ANO1: variants seen among roughly 807,000 people sequenced by gnomAD.
ANO1 encodes the protein anoctamin 1, also known as anoctamin-1.
ANO1 carries 59 observed loss-of-function variants against 124.0 expected under a neutral mutation model. The ratio of observed to expected loss-of-function variants is 0.48; its 90% CI spans 0.39 to 0.59. ANO1 has a LOEUF of 0.59. Among genes scored for constraint, ANO1 ranks in the 20% least tolerant of loss-of-function variants. The probability of loss-of-function intolerance (pLI) is 0.00; values close to 1 mark genes in which losing one functional copy is unlikely to be tolerated. For synonymous variants in ANO1, 529 were observed against 532.0 expected (o/e 0.99, Z 0.08); for missense variants, 1,059 against 1,328.0 (o/e 0.80, Z 3.15).
Position 69,988,044 on chromosome 11 carries a change from C to T in ANO1, c.58+1878C>T, listed in dbSNP as rs1322997264. 3.3e-5 allele frequency among the ~76,000 whole-genome samples: 5 copies of T among 152,194 alleles called. No individual in the cohort carries two copies. In the South Asian group the frequency reaches 6.2e-4, roughly 19 times the overall value. On this transcript the variant is annotated intron_variant, in intron 1 of 27. Coordinates refer to the ANO1 transcript ENST00000531349. ...GACCCCAGGACGGGTGTCCCAGCCT[C>T]GGTTCTTGGGTTTGCTGCCAGATGC...
At position 70,031,586 on chromosome 11, in the gene ANO1, G is replaced by A. The variant is rs79969219; in HGVS notation, c.58+45420G>A. Among the ~76,000 whole-genome samples, 555 of 152,286 alleles carry A rather than the reference G, an allele frequency of 3.6e-3. 1 individual carries two copies. Among genetic ancestry groups the A allele is most frequent in the African/African-American group, 0.013 (530 of 41,548 alleles). On this transcript the variant is annotated intron_variant, in intron 1 of 27. Transcript: ENST00000531349. ...AGATTGCACACATTCAAGGTGAGCC[G>A]TTGAGGGCCAGAGTGGGGACCAAGA...
intron 2 of ANO1, among the ~76,000 whole-genome samples, chr11:70,097,403 C>T (rs1033450244): frequency 2.0e-5 from 3 of 152,222 alleles, no homozygotes; most frequent in Admixed American, 6.5e-5. Flanking sequence ...GGAGCCAGGT[C>T]TTCCTATGCA....
intron 7 of ANO1, among the ~76,000 whole-genome samples, chr11:70,115,149 A>G (rs1469877397): frequency 6.6e-6 from 1 of 152,034 alleles, no homozygotes; most frequent in Non-Finnish European, 1.5e-5. Context: ...CTGCTCTCAG[A>G]GCGTCTTCGT....
At chr11:70,051,401 C>A (rs1414393637) in intron 1 of ANO1, among the ~76,000 whole-genome samples, 2 of 152,324 alleles carry the variant, frequency 1.3e-5, no homozygotes, top group East Asian at 1.9e-4. Context: ...TCCTATGTAA[C>A]AGTGAAATTT....
chr11:70,114,111 T>C (rs934112555), intron 7 of ANO1, among the ~76,000 whole-genome samples: 4 of 152,224 alleles, frequency 2.6e-5, no homozygotes, highest in Non-Finnish European at 5.9e-5. Flanking sequence ...CCAAGATCCA[T>C]GCAGACAATC....
intron 1 of ANO1, among the ~76,000 whole-genome samples, chr11:70,059,941 G>A (rs1346423013): frequency 6.7e-6 from 1 of 148,684 alleles, no homozygotes; most frequent in Middle Eastern, 3.2e-3. Flanking sequence ...CGGGTGTGGA[G>A]GCGTTGGCCT....
At chr11:69,986,515 G>C (rs542577312) in intron 1 of ANO1, among the ~76,000 whole-genome samples, 2 of 152,154 alleles carry the variant, frequency 1.3e-5, no homozygotes, top group South Asian at 2.1e-4. Flanking sequence ...TCCCAATCCC[G>C]GGGGAGCGTC....
At chr11:70,071,972 A>G (rs1431898265) in intron 1 of ANO1, among the ~76,000 whole-genome samples, 1 of 152,202 alleles carries the variant, frequency 6.6e-6, no homozygotes, top group Non-Finnish European at 1.5e-5. Context: ...TTTATATAAC[A>G]GGTCACATAA....
chr11:70,138,842 C>G (rs118009368), intron 11 of ANO1, among the ~76,000 whole-genome samples: 1 of 151,952 alleles, frequency 6.6e-6, no homozygotes, highest in Non-Finnish European at 1.5e-5. Context: ...GGGTAAACTG[C>G]GTGCCGTTGG....
chr11:70,054,767 T>C (rs1555006633), intron 1 of ANO1, among the ~76,000 whole-genome samples: 1 of 152,244 alleles, frequency 6.6e-6, no homozygotes, highest in African/African-American at 2.4e-5. Context: ...GTTTCTGTTC[T>C]TTATTATTTG....
Position 70,165,533 on chromosome 11 carries a change from C to G in ANO1, c.2014C>G (p.Gln672Glu). The G allele has an allele frequency of 6.2e-7, 1 of 1,612,276 alleles. No homozygotes were observed. Among genetic ancestry groups the G allele is most frequent in the Non-Finnish European group, 8.5e-7 (1 of 1,179,358 alleles). ...IQLSIIMLGK[Q>E]LIQNNLFEIG... is the part of the protein sequence containing the mutation. ...GCTCAGCATCATCATGCTGGGGAAACAGCTGATCCAGAACAACCTGTTCGA... is the reference window on the plus strand; with the variant it reads ...GCTCAGCATCATCATGCTGGGGAAAGAGCTGATCCAGAACAACCTGTTCGA... The change falls in exon 20 of 26, where the codon CAG (glutamine) becomes GAG (glutamate). Residue 672 changes from glutamine to glutamate, a missense_variant. Transcript: ENST00000355303.
At chr11:70,129,989 G>A (rs1201352035) in intron 10 of ANO1, among the ~76,000 whole-genome samples, 6 of 152,196 alleles carry the variant, frequency 3.9e-5, no homozygotes, top group Admixed American at 3.9e-4. Flanking sequence ...GAATGCCCAT[G>A]ATGCTGGGCA....
At chr11:70,170,380 T>C (rs558824451) in intron 21 of ANO1, among the ~76,000 whole-genome samples, 81 of 152,296 alleles carry the variant, frequency 5.3e-4, no homozygotes, top group African/African-American at 1.9e-3. Flanking sequence ...TGACTTGAGC[T>C]CAGGAGTTTG....
At chr11:70,013,804 A>AAAAAGAAAAGAAAAG (rs142729507) in intron 1 of ANO1, among the ~76,000 whole-genome samples, 13,849 of 130,422 alleles carry the variant, frequency 0.11, 1,354 homozygotes, top group East Asian at 0.34. Context: ...TCCATCTAAA[A>AAAAAGAAAAGAAAAG]AAAAGAAAAG....
intron 1 of ANO1, among the ~76,000 whole-genome samples, chr11:70,005,931 A>T (rs1554999969): frequency 6.6e-6 from 1 of 152,164 alleles, no homozygotes; most frequent in African/African-American, 2.4e-5. Flanking sequence ...CCAAGTGATA[A>T]ATCCATTTCC....
At chr11:70,016,124 T>C (rs1039846407) in intron 1 of ANO1, among the ~76,000 whole-genome samples, 1 of 152,018 alleles carries the variant, frequency 6.6e-6, no homozygotes, top group East Asian at 1.9e-4. Context: ...GCCTCCTTGG[T>C]TCAATGAATT....
intron 1 of ANO1, among the ~76,000 whole-genome samples, chr11:70,010,179 G>GTATGTGTGTGTGTGTATATA (rs1188271051): frequency 1.2e-5 from 1 of 83,776 alleles, no homozygotes; most frequent in Non-Finnish European, 2.4e-5. Flanking sequence ...GTGTGTGTGT[G>GTATGTGTGTGTGTGTATATA]TATATATATA....
chr11:69,978,290 A>T, the ANO1 span, among the ~76,000 whole-genome samples: 3 of 152,160 alleles, frequency 2.0e-5, no homozygotes, highest in African/African-American at 7.2e-5. Context: ...GAGAGGGCCC[A>T]GCCCTAGAAG....
At chr11:70,090,182 T>A (rs925170473) in intron 2 of ANO1, among the ~76,000 whole-genome samples, 7 of 152,158 alleles carry the variant, frequency 4.6e-5, no homozygotes, top group African/African-American at 7.2e-5. Context: ...TAATTTTTTG[T>A]ATTTTTAGTA....
Sources: allele counts gnomAD v4.1 joint callset (sites outside exome capture counted in the v4.1 genomes callset), GRCh38; gene constraint gnomAD v4.1.1; transcripts MANE v1.5; gene names NCBI Gene and HGNC (gene_info 2026-07-23, HGNC 2026-07-21).